The following SVEP1 variants were observed in gnomAD, a reference collection of about 807,000 sequenced individuals.
SVEP1 encodes sushi, von Willebrand factor type A, EGF and pentraxin domain-containing protein 1.
A neutral mutation model predicts 367.3 loss-of-function variants in SVEP1; 164 were observed. The ratio of observed to expected loss-of-function variants is 0.45; its 90% CI spans 0.39 to 0.51. The LOEUF is 0.51. SVEP1 is among the 20% of genes least tolerant of loss of function. The probability of loss-of-function intolerance (pLI) is 0.00; values close to 1 mark genes in which losing one functional copy is unlikely to be tolerated. For missense variants in SVEP1, 4,117 were observed against 4,425.3 expected (o/e 0.93, Z 1.98); for synonymous variants, 1,666 against 1,611.6 (o/e 1.03, Z -0.81).
At chr9:110,389,407 C>T in intron 41 of SVEP1, 117 bp downstream of exon 41, 1 of 1,240,382 alleles carries the variant, frequency 8.1e-7, no homozygotes, top group Non-Finnish European at 1.1e-6. Flanking sequence ...TCTCATATGG[C>T]TTATGGAGTT....
chr9:110,516,852 T>C (rs977175754), intron 3 of SVEP1, among the ~76,000 whole-genome samples: 16 of 152,190 alleles, frequency 1.1e-4, no homozygotes, highest in Non-Finnish European at 2.2e-4. Flanking sequence ...AATGCAGAGA[T>C]ATATTCCTAA....
intron 39 of SVEP1, 45 bp downstream of exon 39, chr9:110,404,282 A>G (rs753140922): frequency 6.4e-7 from 1 of 1,567,158 alleles, no homozygotes. Flanking sequence ...TTGGCAATAT[A>G]TGTATATGTA....
intron 3 of SVEP1, among the ~76,000 whole-genome samples, chr9:110,524,214 C>T (rs182661364): frequency 3.3e-5 from 5 of 152,222 alleles, no homozygotes; most frequent in African/African-American, 4.8e-5. Flanking sequence ...TTCTGCCAAA[C>T]ATTTGCCAAA....
At chr9:110,399,600 C>A (rs1407893504) in intron 40 of SVEP1, among the ~76,000 whole-genome samples, 1 of 152,066 alleles carries the variant, frequency 6.6e-6, no homozygotes, top group Non-Finnish European at 1.5e-5. Flanking sequence ...ATGGTGCGAT[C>A]TTGGCTCACT....
intron 1 of SVEP1, among the ~76,000 whole-genome samples, chr9:110,550,568 A>G (rs1049214751): frequency 1.5e-4 from 23 of 152,124 alleles, no homozygotes; most frequent in African/African-American, 5.3e-4. Context: ...GTCATACACC[A>G]AAATCCTAAT....
intron 13 of SVEP1, among the ~76,000 whole-genome samples, chr9:110,478,927 C>T (rs10115453): frequency 5.8e-5 from 6 of 103,810 alleles, no homozygotes; most frequent in Admixed American, 1.8e-4. Flanking sequence ...CTTTCTTCTT[C>T]TTTTTTTTTT....
chr9:110,472,555 TGGAACTACTAG>T (rs1421183637), intron 14 of SVEP1, among the ~76,000 whole-genome samples: 3 of 152,200 alleles, frequency 2.0e-5, no homozygotes, highest in African/African-American at 2.4e-5. Flanking sequence ...AAAGTCTCTA[TGGAACTACTAG>T]GGCATTTATA....
intron 16 of SVEP1, among the ~76,000 whole-genome samples, chr9:110,469,308 T>TA (rs925628744): frequency 1.8e-4 from 27 of 152,310 alleles, no homozygotes; most frequent in African/African-American, 6.3e-4. Flanking sequence ...GTTTATTTTT[T>TA]AAAGATAAAG....
intron 8 of SVEP1, among the ~76,000 whole-genome samples, chr9:110,495,307 G>T (rs1478670431): frequency 6.6e-6 from 1 of 152,144 alleles, no homozygotes; most frequent in Non-Finnish European, 1.5e-5. Context: ...TGGTAAAAGG[G>T]ACTTAGCAGA....
At chr9:110,502,916 A>G in intron 6 of SVEP1, 122 bp downstream of exon 6, 1 of 992,122 alleles carries the variant, frequency 1.0e-6, no homozygotes, top group Non-Finnish European at 1.4e-6. Context: ...GCACCTGTAC[A>G]TGTGGATATG....
Position 110,427,696 on chromosome 9 carries a change from G to A in SVEP1, c.5870C>T (p.Ala1957Val), listed in dbSNP as rs891225333. ...ASGIWDRAPP[A>V]CHLVFCGEPP... ...TTCTCCACAGAAGACGAGGTGACAG[G>A]CAGGTGGCGCTCTGTCCCAGATGCC... Residue 1957 changes from alanine to valine, a missense_variant, in exon 36 of 48, where the codon GCC becomes GTC. Around this residue, in one of 4 missense-constraint regions of SVEP1, gnomAD observed 2,174 missense variants for 2,494.3 expected, o/e 0.87. Transcript: ENST00000374469. 2 of 1,613,924 alleles carry A rather than the reference G, an allele frequency of 1.2e-6. No individual in the cohort carries two copies. The highest frequency in any genetic ancestry group is 1.7e-6 in the Non-Finnish European group (2 of 1,179,854).
intron 13 of SVEP1, 77 bp from the exon 14 acceptor site, chr9:110,476,392 C>T: frequency 9.3e-7 from 1 of 1,071,910 alleles, no homozygotes; most frequent in Non-Finnish European, 1.4e-6. Flanking sequence ...GCTCCCCTGG[C>T]CTTCACGTCT....
Position 110,407,600 on chromosome 9 carries a change from G to A in SVEP1, c.8000C>T (p.Ser2667Phe). The change falls in exon 38 of 48, where the codon TCT becomes TTT. Residue 2667 changes from serine to phenylalanine, a missense_variant. Coordinates refer to ENST00000374469, the MANE Select transcript of SVEP1 (RefSeq NM_153366.4). ...AAAGTTTGATGAATGTGTAGCAGGA[G>A]ACTCCTTTGTATTTTCCCAGGTTTT... is the stretch of plus-strand genomic sequence containing the variant. Reference protein sequence around the residue: ...VAKTWENTKESPATHSSNFLY... With the variant: ...VAKTWENTKEFPATHSSNFLY... The A allele has an allele frequency of 1.9e-6, 3 of 1,613,996 alleles. No individual in the cohort carries two copies. Among genetic ancestry groups the A allele is most frequent in the Non-Finnish European group, 2.5e-6 (3 of 1,179,858 alleles).
At chr9:110,461,855 G>A (rs1828862819) in intron 18 of SVEP1, among the ~76,000 whole-genome samples, 1 of 152,116 alleles carries the variant, frequency 6.6e-6, no homozygotes, top group African/African-American at 2.4e-5. Flanking sequence ...CTAAGAACAA[G>A]CTAATTTACT....
At chr9:110,498,637 T>C (rs1829486649) in intron 7 of SVEP1, among the ~76,000 whole-genome samples, 1 of 152,212 alleles carries the variant, frequency 6.6e-6, no homozygotes, top group African/African-American at 2.4e-5. Context: ...TTCATAGCGG[T>C]CTGCTCTTGT....
chr9:110,473,160 T>C (rs191827667), intron 14 of SVEP1, among the ~76,000 whole-genome samples: 1 of 152,340 alleles, frequency 6.6e-6, no homozygotes, highest in Admixed American at 6.5e-5. Flanking sequence ...AATTTATATT[T>C]ATATAGGCCT....
chr9:110,569,730 A>G (rs1830532091), intron 1 of SVEP1, among the ~76,000 whole-genome samples: 1 of 152,254 alleles, frequency 6.6e-6, no homozygotes, highest in South Asian at 2.1e-4. Context: ...ATTTATTCAC[A>G]TAAAACAAGG....
intron 1 of SVEP1, among the ~76,000 whole-genome samples, chr9:110,575,376 C>G (rs1830615089): frequency 6.6e-6 from 1 of 152,164 alleles, no homozygotes. Context: ...AACAGAGGAG[C>G]TGGCACATGG....
At chr9:110,430,166 T>C (rs1272464015) in intron 33 of SVEP1, 108 bp downstream of exon 33, 3 of 1,222,746 alleles carry the variant, frequency 2.5e-6, no homozygotes, top group Admixed American at 2.5e-5. Context: ...GCCTAATACC[T>C]CAGTTCAAAT....
Sources: allele counts gnomAD v4.1 joint callset (sites outside exome capture counted in the v4.1 genomes callset), GRCh38; gene constraint gnomAD v4.1.1; regional missense constraint gnomAD v4.1.1; transcripts MANE v1.5; gene names NCBI Gene and HGNC (gene_info 2026-07-23, HGNC 2026-07-21).